The following PFKFB2 variants were observed in gnomAD, a reference collection of about 807,000 sequenced individuals.
The protein encoded by PFKFB2 is 6-phosphofructo-2-kinase/fructose-2,6-biphosphatase 2, also known as 6-phosphofructo-2-kinase/fructose-2,6-bisphosphatase 2.
In PFKFB2, 53 loss-of-function variants were observed where a neutral mutation model predicts 68.0. The ratio of observed to expected loss-of-function variants is 0.78; its 90% CI spans 0.63 to 0.98. The LOEUF (loss-of-function observed/expected upper bound fraction) is 0.98. Among genes scored for constraint, PFKFB2 ranks in the 50% least tolerant of loss-of-function variants. PFKFB2 has a pLI of 0.00. For synonymous variants in PFKFB2, 222 were observed against 227.6 expected (o/e 0.98, Z 0.22); for missense variants, 451 against 642.0 (o/e 0.70, Z 3.22).
At chr1:207,046,136 G>T (rs1015839195) in intron 2 of PFKFB2, 5 of 152,048 alleles carry the variant, frequency 3.3e-5, no homozygotes, top group African/African-American at 9.6e-5. Flanking sequence ...AGAAGGGTGG[G>T]GTGGGAAAGT....
At chr1:207,037,107 C>A (rs1028848813) in intron 1 of PFKFB2, among the ~76,000 whole-genome samples, 6 of 152,310 alleles carry the variant, frequency 3.9e-5, no homozygotes, top group Non-Finnish European at 5.9e-5. Flanking sequence ...TGGCTACTTT[C>A]TCCTTGACTC....
rs1423603779 is a variant in PFKFB2 at position 207,061,173 on chromosome 1, A to ATCTT, written c.86-779_86-778insCTTT. On this transcript the variant is annotated intron_variant, in intron 2 of 14. Coordinates refer to ENST00000367080, the MANE Select transcript of PFKFB2 (RefSeq NM_006212.2). Reference sequence around the variant, plus strand: ...TATATTTATATATATCTTTATATATATATATATATATATATATATATATAT... The same window carrying ATCTT: ...TATATTTATATATATCTTTATATATATCTTTATATATATATATATATATATATAT... Among the ~76,000 whole-genome samples the ATCTT allele has an allele frequency of 5.5e-4, 35 of 64,122 alleles. 3 individuals are homozygous for ATCTT. The highest frequency in any genetic ancestry group is 1.3e-3 in the African/African-American group (17 of 13,530). 42.1% of individuals were successfully genotyped at this position (64,122 alleles called of 152,430 possible).
At chr1:207,048,022 T>C (rs1416627038) in intron 2 of PFKFB2, 1 of 152,390 alleles carries the variant, frequency 6.6e-6, no homozygotes, top group Non-Finnish European at 1.5e-5. Context: ...AAAAAAATTT[T>C]TTGGAGGAAG....
rs148553616 is a variant in PFKFB2, at chr1:207,070,869, A to C, written c.1223-319A>C. On this transcript the variant is annotated intron_variant, in intron 12 of 14. Coordinates refer to ENST00000367080, the MANE Select transcript of PFKFB2 (RefSeq NM_006212.2). The surrounding 1 kb of genome is among the most constrained non-coding windows in gnomAD (Gnocchi z 4.2). Reference sequence around the variant, plus strand: ...TGTGGATGCTGAGCTCAGCATCCTGAGCTGCTTGGAAGCTGTTGTGGTCAG... The same window carrying C: ...TGTGGATGCTGAGCTCAGCATCCTGCGCTGCTTGGAAGCTGTTGTGGTCAG... 6.3e-6 allele frequency: 2 copies of C among 315,186 alleles called. No homozygotes were observed. The highest frequency in any genetic ancestry group is 1.2e-5 in the Non-Finnish European group (2 of 167,632). 19.5% of individuals were successfully genotyped at this position (315,186 alleles called of 1,614,324 possible).
At chr1:207,065,010 G>T (rs1033351253) in intron 7 of PFKFB2, 26 bp from the exon 8 acceptor site, 1 of 1,612,506 alleles carries the variant, frequency 6.2e-7, no homozygotes, top group Admixed American at 1.7e-5. Flanking sequence ...CTCTGATGAG[G>T]CCTTTACTGG....
upstream of PFKFB2, chr1:207,050,914 C>T: frequency 6.2e-7 from 1 of 1,601,240 alleles, no homozygotes; most frequent in Non-Finnish European, 8.5e-7. Context: ...TCCGGCTGCC[C>T]ACAGGCCAGG....
upstream of PFKFB2, chr1:207,050,941 T>G: frequency 6.3e-7 from 1 of 1,579,708 alleles, no homozygotes; most frequent in Non-Finnish European, 8.6e-7. Flanking sequence ...CGGGGCCAGC[T>G]TTGGTCCCGG....
In PFKFB2 at chr1:207,069,535, C is replaced by T. The variant is rs374573264; in HGVS notation, c.1092+7C>T. 3.9e-4 allele frequency: 613 copies of T among 1,566,814 alleles called. 3 individuals carry two copies. The highest frequency in any genetic ancestry group is 5.9e-4 in the South Asian group (53 of 90,104). On this transcript the variant is annotated splice_region_variant and intron_variant, in intron 11 of 14. Transcript: ENST00000367080. ...TCGATATCCTGGTGGGGAGGTAAGACGCCCCTGTCATGTAAAGTGACTGCC... is the reference window on the plus strand; with the variant it reads ...TCGATATCCTGGTGGGGAGGTAAGATGCCCCTGTCATGTAAAGTGACTGCC...
intron 1 of PFKFB2, among the ~76,000 whole-genome samples, chr1:207,036,728 A>G (rs112358170): frequency 5.5e-4 from 84 of 152,276 alleles, no homozygotes; most frequent in African/African-American, 2.0e-3. Flanking sequence ...TGTTTTTCCT[A>G]TAAAATCCTG....
chr1:207,070,138 A>C lies in PFKFB2; in HGVS notation c.1093-142A>C. 1.2e-6 allele frequency: 1 copy of C among 833,964 alleles called. No individual in the cohort carries two copies. The highest frequency in any genetic ancestry group is 1.8e-5 in the South Asian group (1 of 56,864). 51.7% of individuals were successfully genotyped at this position (833,964 alleles called of 1,614,324 possible). ...GATACCAGGGCTGGGGGCAGTTAGC[A>C]GGTGATGTAAACTCACTGAGCCTCC... On this transcript the variant is annotated intron_variant, in intron 11 of 14. Coordinates refer to ENST00000367080, the MANE Select transcript of PFKFB2 (RefSeq NM_006212.2). The surrounding 1 kb of genome is among the most constrained non-coding windows in gnomAD (Gnocchi z 4.2).
chr1:207,072,540 G>T lies in PFKFB2; in HGVS notation c.*169G>T. ...CAGAACATGAGGTTATGTGTTTATA[G>T]GACAACTTAAGCTGTTCTTCAGTTT... On this transcript the variant is annotated 3_prime_UTR_variant, in exon 15 of 15. Transcript: ENST00000367080. The T allele has an allele frequency of 7.2e-7, 1 of 1,388,672 alleles. No individual in the cohort carries two copies. The allele number at this position is 1,388,672 out of a possible 1,614,324, so 86.0% of individuals were successfully genotyped here.
At chr1:207,040,387 C>T (rs1558050839) in intron 1 of PFKFB2, among the ~76,000 whole-genome samples, 1 of 152,092 alleles carries the variant, frequency 6.6e-6, no homozygotes. Context: ...CAGAGAAATG[C>T]CACAGGAATA....
intron 8 of PFKFB2, among the ~76,000 whole-genome samples, chr1:207,066,056 C>T (rs1683279070): frequency 6.6e-6 from 1 of 152,090 alleles, no homozygotes; most frequent in African/African-American, 2.4e-5. Flanking sequence ...TTACATATTG[C>T]ATATTTTTAT....
rs1683176153 is a variant in PFKFB2 at position 207,063,425 on chromosome 1, G to C, written c.450+4G>C. ...TGCTGAACAGAATTCCTTCAAGGTA[G>C]GATCTGACTCCATGTTGGAGGAAAA... On this transcript the variant is annotated splice_donor_region_variant and intron_variant, in intron 6 of 14. Transcript: ENST00000367080. The surrounding 1 kb of genome is among the most constrained non-coding windows in gnomAD (Gnocchi z 4.1). 6.2e-7 allele frequency: 1 copy of C among 1,605,340 alleles called. No individual in the cohort carries two copies. Among genetic ancestry groups the C allele is most frequent in the Non-Finnish European group, 8.5e-7 (1 of 1,172,736 alleles).
At chr1:207,078,925 C>T, downstream of PFKFB2, 2 of 1,598,336 alleles carry the variant, frequency 1.3e-6, no homozygotes, top group Non-Finnish European at 1.7e-6. Context: ...GCTGTAATAG[C>T]TTTGTGTCTC....
In PFKFB2 at chr1:207,070,006, TG is replaced by T. The variant is rs1014125658; in HGVS notation, c.1093-271del. Among the ~76,000 whole-genome samples, 1 of 124,794 alleles carries T rather than the reference TG, an allele frequency of 8.0e-6. No individual in the cohort carries two copies. Among genetic ancestry groups the T allele is most frequent in the African/African-American group, 2.5e-5 (1 of 40,390 alleles). 81.9% of individuals were successfully genotyped at this position (124,794 alleles called of 152,430 possible). A position where few individuals can be genotyped will look rare whatever the true frequency, so the allele number is the denominator to read the frequency against. ...TTGTCTCACTGCCTGTATTAATCTG[TG>T]GGAAGAAAAAACACACACACACAGG... On this transcript the variant is annotated intron_variant, in intron 11 of 14. Coordinates refer to ENST00000367080, the MANE Select transcript of PFKFB2 (RefSeq NM_006212.2). This position sits in a 1 kb window ranked among gnomAD's most constrained non-coding sequence, Gnocchi z 4.2.
In PFKFB2 at chr1:207,075,253, G is replaced by A; in HGVS notation, c.*2882G>A. 1 of 985,468 alleles carries A rather than the reference G, an allele frequency of 1.0e-6. No individual in the cohort carries two copies. The highest frequency in any genetic ancestry group is 1.2e-6 in the Non-Finnish European group (1 of 829,960). The allele number at this position is 985,468 out of a possible 1,614,324, so 61.0% of individuals were successfully genotyped here. On this transcript the variant is annotated 3_prime_UTR_variant, in exon 15 of 15. Transcript: ENST00000367080. ...TGCTGTTATTTCCCCACTCTCACCT[G>A]TGCTAGTTCGCTTTCTCCAGAAGAG...
intron 2 of PFKFB2, among the ~76,000 whole-genome samples, chr1:207,055,806 T>A (rs1473274018): frequency 6.6e-6 from 1 of 152,172 alleles, no homozygotes; most frequent in East Asian, 1.9e-4. Flanking sequence ...TTGACAATGA[T>A]AATCTCTCTT....
chr1:207,067,109 G>T (rs994661565), intron 8 of PFKFB2, among the ~76,000 whole-genome samples: 2 of 152,120 alleles, frequency 1.3e-5, no homozygotes, highest in African/African-American at 4.8e-5. Context: ...CTCGTTGCTC[G>T]TCGTGCCATA....
Sources: gnomAD v4.1 joint callset for allele counts (sites outside exome capture counted in the v4.1 genomes callset) on GRCh38, gnomAD v4.1.1 for gene constraint, Gnocchi (gnomAD v3.1) non-coding constraint, MANE v1.5 for transcripts, NCBI Gene and HGNC (gene_info 2026-07-23, HGNC 2026-07-21) for gene names.